ENOX2: variants seen among roughly 807,000 people sequenced by gnomAD.
ENOX2 encodes ecto-NOX disulfide-thiol exchanger 2.
In ENOX2, 36 loss-of-function variants were observed where a neutral mutation model predicts 45.0. The ratio of observed to expected loss-of-function variants is 0.80; its 90% CI spans 0.61 to 1.06. The LOEUF is 1.06. Among genes scored for constraint, ENOX2 ranks in the 50% least tolerant of loss-of-function variants. The probability of loss-of-function intolerance (pLI) is 0.00; values close to 1 mark genes in which losing one functional copy is unlikely to be tolerated. For missense variants in ENOX2, 423 were observed against 462.5 expected, an observed-to-expected ratio of 0.91 and a Z score of 0.78; for synonymous variants, 174 against 152.3, an observed-to-expected ratio of 1.14 and a Z score of -1.05.
intron 2 of ENOX2, among the ~76,000 whole-genome samples, chrX:130,855,160 C>T (rs2078285499): frequency 9.0e-6 from 1 of 111,434 alleles, no homozygotes; most frequent in Non-Finnish European, 1.9e-5. Flanking sequence ...TGTAAAAAAT[C>T]TCCTAGAACT....
rs1472973505 is a variant in ENOX2 at position 130,625,236 on chromosome X, A to G, written c.*78T>C. ...TCAAAGGAACTTCCACTTGAAAACC[A>G]TTAAAAATATAAATCACTTTCTATG... On this transcript the variant is annotated 3_prime_UTR_variant, in exon 15 of 15. Coordinates refer to ENST00000394363, the MANE Select transcript of ENOX2 (RefSeq NM_006375.4). The G allele has an allele frequency of 1.9e-6, 2 of 1,075,690 alleles. No individual in the cohort carries two copies. Among genetic ancestry groups the G allele is most frequent in the Non-Finnish European group, 1.3e-6 (1 of 798,879 alleles). The allele number at this position is 1,075,690 out of a possible 1,213,427, so 88.6% of individuals were successfully genotyped here. A position where few individuals can be genotyped will look rare whatever the true frequency, so the allele number is the denominator to read the frequency against.
intron 2 of ENOX2, among the ~76,000 whole-genome samples, chrX:130,855,548 T>C (rs2078292511): frequency 9.0e-6 from 1 of 111,252 alleles, no homozygotes; most frequent in Non-Finnish European, 1.9e-5. Context: ...TCCATCAAAA[T>C]CCCAGCAAGA....
At chrX:130,659,382 A>G (rs2036626884) in intron 9 of ENOX2, among the ~76,000 whole-genome samples, 1 of 112,133 alleles carries the variant, frequency 8.9e-6, no homozygotes, top group African/African-American at 3.2e-5. Context: ...AGATGCTAAC[A>G]TAGACTCTCC....
In ENOX2 at chrX:130,625,366, C is replaced by T. The variant is rs1382522703; in HGVS notation, c.1694G>A (p.Ser565Asn). 1.7e-6 allele frequency: 2 copies of T among 1,209,666 alleles called. No homozygotes were observed. The highest frequency in any genetic ancestry group is 3.5e-5 in the African/African-American group (2 of 57,224). Reference sequence around the variant, plus strand: ...ACAGAATTTCCATCTCTTTTCCAGGCTGGCTCCAACTCCAGTCATTTCCTG... The same window carrying T: ...ACAGAATTTCCATCTCTTTTCCAGGTTGGCTCCAACTCCAGTCATTTCCTG... ...FKQEMTGVGA[S>N]LEKRWKFCGF... Residue 565 changes from serine (S) to asparagine (N), a missense_variant, in exon 15 of 15, where the codon AGC becomes AAC. This residue lies in a region of ENOX2 where 34 missense variants were observed against 31.3 expected (regional missense o/e 1.09). Coordinates refer to ENST00000394363, the MANE Select transcript of ENOX2 (RefSeq NM_006375.4).
intron 3 of ENOX2, among the ~76,000 whole-genome samples, chrX:130,764,654 T>A (rs142113176): frequency 9.2e-4 from 102 of 111,226 alleles, no homozygotes; most frequent in African/African-American, 3.0e-3. Context: ...CTCTAACAAC[T>A]GATTCATCAT....
chrX:130,849,733 T>C (rs777156576), intron 2 of ENOX2, among the ~76,000 whole-genome samples: 2 of 112,197 alleles, frequency 1.8e-5, no homozygotes, highest in Non-Finnish European at 3.8e-5. Flanking sequence ...ATGTATGACC[T>C]TGAACAAATC....
chrX:130,823,803 C>T (rs1472190445), intron 2 of ENOX2, among the ~76,000 whole-genome samples: 1 of 110,836 alleles, frequency 9.0e-6, no homozygotes, highest in Non-Finnish European at 1.9e-5. Flanking sequence ...CTTATGTCTT[C>T]CGAGAGCATC....
At chrX:130,703,894 A>T (rs7051404) in intron 3 of ENOX2, among the ~76,000 whole-genome samples, 2,630 of 111,114 alleles carry the variant, frequency 0.024, 87 homozygotes, top group African/African-American at 0.08. Flanking sequence ...ACTGATGATG[A>T]TGGTGATAAT....
At chrX:130,705,566 G>T (rs2038015131) in intron 3 of ENOX2, among the ~76,000 whole-genome samples, 1 of 112,314 alleles carries the variant, frequency 8.9e-6, no homozygotes, top group East Asian at 2.8e-4. Flanking sequence ...CAATGAAAGT[G>T]GTTCTTAAAT....
intron 2 of ENOX2, among the ~76,000 whole-genome samples, chrX:130,813,648 G>A (rs1253116091): frequency 9.0e-6 from 1 of 111,720 alleles, no homozygotes; most frequent in Non-Finnish European, 1.9e-5. Context: ...AGCTCAAGGG[G>A]TCAGGGAACC....
chrX:130,723,632 T>C (rs2038534848), intron 3 of ENOX2, among the ~76,000 whole-genome samples: 1 of 112,060 alleles, frequency 8.9e-6, no homozygotes, highest in Admixed American at 9.4e-5. Context: ...TAAGTCAGGG[T>C]TTGTAGCATT....
At chrX:130,652,589 T>C (rs1292766660) in intron 10 of ENOX2, among the ~76,000 whole-genome samples, 1 of 112,348 alleles carries the variant, frequency 8.9e-6, no homozygotes, top group East Asian at 2.8e-4. Flanking sequence ...TCAGTTCTAC[T>C]GTTATGGTTT....
intron 6 of ENOX2, among the ~76,000 whole-genome samples, chrX:130,671,981 T>G (rs1373576986): frequency 9.0e-6 from 1 of 111,589 alleles, no homozygotes; most frequent in Non-Finnish European, 1.9e-5. Context: ...ATTTTAAAAA[T>G]CAGCCAATCC....
At chrX:130,884,539 G>T (rs947000679) in intron 2 of ENOX2, among the ~76,000 whole-genome samples, 12 of 111,659 alleles carry the variant, frequency 1.1e-4, no homozygotes, top group African/African-American at 3.9e-4. Flanking sequence ...GGGTCCTAAA[G>T]AAAGTTTTAC....
intron 3 of ENOX2, among the ~76,000 whole-genome samples, chrX:130,732,698 TCACA>T (rs201498808): frequency 1.6e-4 from 16 of 99,935 alleles, no homozygotes; most frequent in Non-Finnish European, 2.7e-4. Context: ...ATAAATCCAT[TCACA>T]CACACACACA....
intron 3 of ENOX2, among the ~76,000 whole-genome samples, chrX:130,753,948 A>C (rs2039289451): frequency 9.0e-6 from 1 of 111,538 alleles, no homozygotes; most frequent in South Asian, 3.8e-4. Flanking sequence ...ATATGAAATT[A>C]TAGCTAGATA....
Position 130,790,904 on chromosome X carries a change from C to T in ENOX2, c.-182-7214G>A, listed in dbSNP as rs186714852. ...AAACATTATCCCTTTATTTTATTTT[C>T]TAATTATTATTCTTATTTTACAACA... On this transcript the variant is annotated intron_variant, in intron 2 of 14. Coordinates refer to ENST00000394363, the MANE Select transcript of ENOX2 (RefSeq NM_006375.4). Among the ~76,000 whole-genome samples, 45 of 112,194 alleles carry T rather than the reference C, an allele frequency of 4.0e-4. 1 individual carries two copies. In the East Asian group the frequency reaches 0.012, roughly 30 times the overall value.
chrX:130,797,042 G>C (rs1485221801), intron 2 of ENOX2, among the ~76,000 whole-genome samples: 4 of 111,857 alleles, frequency 3.6e-5, no homozygotes, highest in Non-Finnish European at 5.6e-5. Context: ...TGAAGAGAGT[G>C]CCACAGCTGA....
chrX:130,777,596 C>T (rs762856812), intron 3 of ENOX2, among the ~76,000 whole-genome samples: 24 of 111,564 alleles, frequency 2.2e-4, no homozygotes, highest in African/African-American at 7.5e-4. Context: ...ACGTATCAGG[C>T]TACTTACACT....
Sources: allele counts gnomAD v4.1 joint callset (sites outside exome capture counted in the v4.1 genomes callset), GRCh38; gene constraint gnomAD v4.1.1; regional missense constraint gnomAD v4.1.1; transcripts MANE v1.5; gene names NCBI Gene and HGNC (gene_info 2026-07-23, HGNC 2026-07-21).